Variants in P4HB observed in about 807,000 individuals in gnomAD.
P4HB encodes the protein prolyl 4-hydroxylase subunit beta.
In P4HB, 20 loss-of-function variants were observed where a neutral mutation model predicts 52.6. The ratio of observed to expected loss-of-function variants is 0.38; its 90% CI spans 0.27 to 0.55. The LOEUF is 0.55. P4HB is among the 20% of genes least tolerant of loss of function. The pLI is 0.74. For synonymous variants in P4HB, 296 were observed against 277.9 expected, an observed-to-expected ratio of 1.07 and a Z score of -0.65; for missense variants, 601 against 669.2, an observed-to-expected ratio of 0.90 and a Z score of 1.12.
In P4HB at chr17:81,858,966, C is replaced by T. The variant is rs935740804; in HGVS notation, c.352+215G>A. On this transcript the variant is annotated intron_variant, in intron 2 of 10. Transcript: ENST00000331483. Reference sequence around the variant, plus strand: ...CAGCCGCCCCCAGGATGGCACCAGACAAGACAGGTTCTCCATTCGAAGGTT... The same window carrying T: ...CAGCCGCCCCCAGGATGGCACCAGATAAGACAGGTTCTCCATTCGAAGGTT... 5.2e-6 allele frequency: 3 copies of T among 572,542 alleles called. No homozygotes were observed. The African/African-American group carries it at 5.6e-5, about 11-fold the overall frequency. 35.5% of individuals were successfully genotyped at this position (572,542 alleles called of 1,614,324 possible). A position where few individuals can be genotyped will look rare whatever the true frequency, so the allele number is the denominator to read the frequency against.
chr17:81,847,311 T>A lies in P4HB; in HGVS notation c.661A>T (p.Thr221Ser). ...ATAAAGTCCAGCAGGTTCTCCTTGG[T>A]GACCTCCCCTTCAAAGTTGTTCCGG... Reference protein sequence around the residue: ...EGRNNFEGEVTKENLLDFIKH... With the variant: ...EGRNNFEGEVSKENLLDFIKH... The change falls in exon 5 of 11, where the codon ACC becomes TCC. Residue 221 changes from threonine (T) to serine (S), a missense_variant. Thr to Ser is a moderately conservative substitution (Grantham distance 58). Coordinates refer to ENST00000331483, the MANE Select transcript of P4HB (RefSeq NM_000918.4). The A allele has an allele frequency of 3.7e-6, 6 of 1,614,170 alleles. No individual in the cohort carries two copies. Among genetic ancestry groups the A allele is most frequent in the Non-Finnish European group, 4.2e-6 (5 of 1,180,014 alleles).
intron 4 of P4HB, among the ~76,000 whole-genome samples, chr17:81,852,587 A>G (rs876016): frequency 0.23 from 34,742 of 152,232 alleles, 4,235 homozygotes; most frequent in Admixed American, 0.29. Context: ...CAGACACCTG[A>G]GCCACCTTCA....
chr17:81,858,679 G>A, intron 2 of P4HB: 1 of 164,344 alleles, frequency 6.1e-6, no homozygotes, highest in South Asian at 1.4e-4. Context: ...GCTACCGACA[G>A]GCTCGATGCT....
At chr17:81,853,876 A>G (rs1176086821) in intron 4 of P4HB, among the ~76,000 whole-genome samples, 1 of 152,214 alleles carries the variant, frequency 6.6e-6, no homozygotes, top group African/African-American at 2.4e-5. Context: ...CTGTCCCTAG[A>G]GCACAAGTGT....
intron 1 of P4HB, 68 bp from the exon 2 acceptor site, chr17:81,859,455 G>T: frequency 1.5e-6 from 2 of 1,366,360 alleles, no homozygotes; most frequent in Non-Finnish European, 2.1e-6. Flanking sequence ...CCTCAGCAGT[G>T]CTTCCCTTTT....
Position 81,843,684 on chromosome 17 carries a change from C to T in P4HB, c.*328G>A. ...GAATTTTCAAAAAGAGGAGAAACCT[C>T]CCGCGGGAGGGAGGCAGCGAGACTC... On this transcript the variant is annotated 3_prime_UTR_variant, in exon 11 of 11. Transcript: ENST00000331483. The T allele has an allele frequency of 2.3e-6, 1 of 434,724 alleles. No homozygotes were observed. The highest frequency in any genetic ancestry group is 4.1e-6 in the Non-Finnish European group (1 of 246,476). 26.9% of individuals were successfully genotyped at this position (434,724 alleles called of 1,614,324 possible).
chr17:81,858,977 C>A, intron 2 of P4HB: 1 of 584,818 alleles, frequency 1.7e-6, no homozygotes, highest in Non-Finnish European at 3.1e-6. Flanking sequence ...AAGACAGGTT[C>A]TCCATTCGAA....
intron 4 of P4HB, among the ~76,000 whole-genome samples, chr17:81,849,553 C>T (rs2038795551): frequency 1.3e-5 from 2 of 152,068 alleles, no homozygotes; most frequent in African/African-American, 2.4e-5. Context: ...ATTCTTAGTT[C>T]TAGTTTCTAA....
Position 81,847,230 on chromosome 17 carries a change from A to T in P4HB, c.729+13T>A. On this transcript the variant is annotated intron_variant, in intron 5 of 10. Transcript: ENST00000331483. The stretch of plus-strand genomic sequence containing the variant: ...TCCCCATCCCCAGCCTGGGGGCTGC[A>T]GGGCAGCCGCACCTGCTCGGTGAAC... 1 of 1,611,618 alleles carries T rather than the reference A, an allele frequency of 6.2e-7. No homozygotes were observed. The highest frequency in any genetic ancestry group is 1.1e-5 in the South Asian group (1 of 91,018).
At position 81,855,611 on chromosome 17, in the gene P4HB, T is replaced by C. The variant is rs1213434240; in HGVS notation, c.353-25A>G. On this transcript the variant is annotated intron_variant, in intron 2 of 10. Coordinates refer to ENST00000331483, the MANE Select transcript of P4HB (RefSeq NM_000918.4). The surrounding 1 kb of genome is among the most constrained non-coding windows in gnomAD (Gnocchi z 4.3). ...GCTAACCCCAAACAAATGTAGGTTCTACTCTCAAACAGGGAGTGCCGCCTG... is the reference window on the plus strand; with the variant it reads ...GCTAACCCCAAACAAATGTAGGTTCCACTCTCAAACAGGGAGTGCCGCCTG... 4.4e-6 allele frequency: 7 copies of C among 1,606,452 alleles called. No homozygotes were observed. The highest frequency in any genetic ancestry group is 6.0e-6 in the Non-Finnish European group (7 of 1,175,490).
At chr17:81,850,646 G>C (rs144803881) in intron 4 of P4HB, among the ~76,000 whole-genome samples, 1,651 of 151,452 alleles carry the variant, frequency 0.011, 15 homozygotes, top group Non-Finnish European at 0.019. Context: ...AACACGCCTG[G>C]CAAATTTTGT....
intron 2 of P4HB, among the ~76,000 whole-genome samples, chr17:81,856,897 C>T (rs1224609963): frequency 6.6e-6 from 1 of 152,060 alleles, no homozygotes; most frequent in Non-Finnish European, 1.5e-5. Flanking sequence ...ATCCGCCCGC[C>T]TCGGCCTCCC....
intron 9 of P4HB, 141 bp downstream of exon 9, chr17:81,845,420 G>T: frequency 1.1e-6 from 1 of 896,442 alleles, no homozygotes; most frequent in Non-Finnish European, 1.7e-6. Context: ...AAAAACAAAG[G>T]TGGGTGCTTC....
chr17:81,859,936 C>T (rs1010394147), intron 1 of P4HB: 1 of 190,140 alleles, frequency 5.3e-6, no homozygotes, highest in Non-Finnish European at 1.1e-5. Flanking sequence ...TTGGGATTCT[C>T]CTCTGAGACA....
rs186483441 is a variant in P4HB, at chr17:81,844,386, G to A, written c.1447-294C>T. Among the ~76,000 whole-genome samples the A allele has an allele frequency of 7.9e-5, 12 of 152,292 alleles. 1 individual carries two copies. The East Asian group carries it at 2.3e-3, about 29-fold the overall frequency. ...CTTCCACTGGGCATGGAAGGCGTAT[G>A]TGTGTCTCCCAGCTTGGCACCATGG... is the stretch of plus-strand genomic sequence containing the variant. On this transcript the variant is annotated intron_variant, in intron 10 of 10. Coordinates refer to ENST00000331483, the MANE Select transcript of P4HB (RefSeq NM_000918.4).
At position 81,846,048 on chromosome 17, in the gene P4HB, C is replaced by T; in HGVS notation, c.1057-57G>A. On this transcript the variant is annotated intron_variant, in intron 7 of 10. Transcript: ENST00000331483. The surrounding 1 kb of genome is among the most constrained non-coding windows in gnomAD (Gnocchi z 5.7). ...GCGATGCCTGGGGGACCACAGAGCT[C>T]CCCAACCCTCACCCTGCCCGGGACT... 2 of 1,521,270 alleles carry T rather than the reference C, an allele frequency of 1.3e-6. No individual in the cohort carries two copies. The highest frequency in any genetic ancestry group is 1.8e-6 in the Non-Finnish European group (2 of 1,133,534). 94.2% of individuals were successfully genotyped at this position (1,521,270 alleles called of 1,614,324 possible).
chr17:81,845,435 G>A, intron 9 of P4HB, 126 bp downstream of exon 9: 1 of 988,528 alleles, frequency 1.0e-6, no homozygotes. Flanking sequence ...TGCTTCTGAA[G>A]GAGCTCCCAC....
At chr17:81,845,061 A>G (rs2038711723) in intron 10 of P4HB, 83 bp downstream of exon 10, 1 of 1,178,478 alleles carries the variant, frequency 8.5e-7, no homozygotes, top group African/African-American at 1.5e-5. Context: ...CATTCCCATC[A>G]CAAGCCGAGC....
At chr17:81,844,768 G>A (rs762018998) in intron 10 of P4HB, among the ~76,000 whole-genome samples, 13 of 152,262 alleles carry the variant, frequency 8.5e-5, no homozygotes, top group Non-Finnish European at 1.8e-4. Context: ...CTAAACTCCC[G>A]AGGGCAGACC....
Sources: gnomAD v4.1 joint callset for allele counts (sites outside exome capture counted in the v4.1 genomes callset) on GRCh38, gnomAD v4.1.1 for gene constraint, Gnocchi (gnomAD v3.1) non-coding constraint, MANE v1.5 for transcripts, NCBI Gene and HGNC (gene_info 2026-07-23, HGNC 2026-07-21) for gene names.